The following IL31RA variants were observed in gnomAD, a reference collection of about 807,000 sequenced individuals.
The protein encoded by IL31RA is interleukin 31 receptor A, also known as interleukin-31 receptor subunit alpha.
IL31RA carries 66 observed loss-of-function variants against 83.7 expected under a neutral mutation model. The ratio of observed to expected loss-of-function variants is 0.79; its 90% CI spans 0.65 to 0.97. The LOEUF (loss-of-function observed/expected upper bound fraction) is 0.97. Among genes scored for constraint, IL31RA ranks in the 50% least tolerant of loss-of-function variants. The pLI, the probability that IL31RA is intolerant of heterozygous loss-of-function variation, is 0.00. For missense variants in IL31RA, 798 were observed against 919.4 expected, an observed-to-expected ratio of 0.87 and a Z score of 1.71; for synonymous variants, 325 against 329.0, an observed-to-expected ratio of 0.99 and a Z score of 0.13.
chr5:55,866,994 A>G (rs1746090439), intron 2 of IL31RA, among the ~76,000 whole-genome samples: 1 of 151,970 alleles, frequency 6.6e-6, no homozygotes, highest in Non-Finnish European at 1.5e-5. Context: ...TGATCTTTCC[A>G]GAGGCTCAAC....
intron 2 of IL31RA, 66 bp from the exon 3 acceptor site, chr5:55,868,725 T>C: frequency 1.1e-6 from 1 of 951,642 alleles, no homozygotes; most frequent in Admixed American, 1.7e-5. Context: ...AAATGTTCAA[T>C]GCTGGCAATA....
chr5:55,865,417 C>T (rs1330235195), intron 2 of IL31RA, among the ~76,000 whole-genome samples: 1 of 152,084 alleles, frequency 6.6e-6, no homozygotes, highest in Non-Finnish European at 1.5e-5. Context: ...ATCTAGCTCT[C>T]CCTCACCCTC....
upstream of IL31RA, among the ~76,000 whole-genome samples, chr5:55,849,892 A>G (rs145865915): frequency 1.1e-4 from 16 of 152,326 alleles, no homozygotes; most frequent in East Asian, 3.1e-3. Context: ...AACATCTCGA[A>G]AATGGTCACA....
intron 1 of IL31RA, among the ~76,000 whole-genome samples, chr5:55,858,720 A>C (rs1380927978): frequency 6.6e-6 from 1 of 152,016 alleles, no homozygotes; most frequent in East Asian, 1.9e-4. Flanking sequence ...CTTTATTCTT[A>C]GACTATCCCA....
Position 55,903,626 on chromosome 5 carries a change from G to A in IL31RA, c.1070-2480G>A, listed in dbSNP as rs542547226. Among the ~76,000 whole-genome samples the A allele has an allele frequency of 1.3e-5, 2 of 152,302 alleles. No homozygotes were observed. Among genetic ancestry groups the A allele is most frequent in the Admixed American group, 6.5e-5 (1 of 15,296 alleles). ...GCAGTGCACTTGGCGCTTTAGACCC[G>A]GATCTCCCTGCTCCTCAGAGCTCCA... On this transcript the variant is annotated intron_variant, in intron 8 of 14. Coordinates refer to ENST00000652347, the MANE Select transcript of IL31RA (RefSeq NM_139017.7). This position sits in a 1 kb window ranked among gnomAD's most constrained non-coding sequence, Gnocchi z 4.7.
intron 11 of IL31RA, chr5:55,908,745 G>A (rs1749322408): frequency 1.4e-6 from 2 of 1,441,866 alleles, no homozygotes; most frequent in Admixed American, 2.8e-5. Context: ...TAAAGAGTGA[G>A]GAGGAACAGA....
chr5:55,902,948 G>A (rs373356687), intron 8 of IL31RA, among the ~76,000 whole-genome samples: 5 of 152,182 alleles, frequency 3.3e-5, no homozygotes, highest in African/African-American at 1.2e-4. Flanking sequence ...TTCCAGCTCG[G>A]ATCTGCAGGA....
At chr5:55,910,446 T>C (rs1749431236) in intron 11 of IL31RA, 86 bp from the exon 12 acceptor site, 3 of 1,466,468 alleles carry the variant, frequency 2.0e-6, no homozygotes, top group Non-Finnish European at 2.9e-6. Flanking sequence ...GAAGCACAGG[T>C]TCCAATGCTC....
At chr5:55,855,199 C>T (rs2112275738) in intron 1 of IL31RA, among the ~76,000 whole-genome samples, 1 of 152,090 alleles carries the variant, frequency 6.6e-6, no homozygotes, top group East Asian at 1.9e-4. Flanking sequence ...GGCTGGAGTG[C>T]AGTGGTGTGA....
rs377423005 is a variant in IL31RA at position 55,868,849 on chromosome 5, C to G, written c.213C>G (p.Thr71=). 3.1e-6 allele frequency: 5 copies of G among 1,611,138 alleles called. No individual in the cohort carries two copies. Among genetic ancestry groups the G allele is most frequent in the Non-Finnish European group, 4.2e-6 (5 of 1,177,472 alleles). The part of the protein sequence containing the change: ...SCVYYYRKNL[T]CTWSPGKETS... ...TCTACTACTATAGGAAAAATTTAAC[C>G]TGCACTTGGAGTCCAGGAAAGGAAA... Residue 71 remains threonine, a synonymous_variant, in exon 3 of 15, where the codon ACC becomes ACG. Transcript: ENST00000652347.
intron 1 of IL31RA, among the ~76,000 whole-genome samples, chr5:55,854,694 G>C (rs1316459688): frequency 6.7e-6 from 1 of 149,658 alleles, no homozygotes; most frequent in Admixed American, 6.7e-5. Context: ...GCAGTGAACC[G>C]AGACTGCACC....
At chr5:55,887,334 C>G (rs546533435) in intron 5 of IL31RA, among the ~76,000 whole-genome samples, 2 of 152,224 alleles carry the variant, frequency 1.3e-5, no homozygotes, top group Non-Finnish European at 2.9e-5. Context: ...TCCATGTGAC[C>G]TTACCTCAAC....
In IL31RA at chr5:55,908,254, G is replaced by A. The variant is rs1196115622; in HGVS notation, c.1355-11G>A. Reference sequence around the variant, plus strand: ...TTCAGTGATTATCATTTATCCCTCTGTCCTTTCCAGTTCCATCAGAAGGTC... The same window carrying A: ...TTCAGTGATTATCATTTATCCCTCTATCCTTTCCAGTTCCATCAGAAGGTC... On this transcript the variant is annotated splice_polypyrimidine_tract_variant and intron_variant, in intron 10 of 14. Transcript: ENST00000652347. 3.1e-6 allele frequency: 5 copies of A among 1,614,012 alleles called. No individual in the cohort carries two copies. Among genetic ancestry groups the A allele is most frequent in the Non-Finnish European group, 3.4e-6 (4 of 1,180,044 alleles).
intron 14 of IL31RA, among the ~76,000 whole-genome samples, 199 bp from the exon 15 acceptor site, chr5:55,916,445 T>C (rs1749785369): frequency 6.6e-6 from 1 of 152,062 alleles, no homozygotes; most frequent in South Asian, 2.1e-4. Flanking sequence ...TCCAGGGCAC[T>C]GTTTCTCAGG....
At chr5:55,911,937 G>GT (rs920652957) in intron 12 of IL31RA, among the ~76,000 whole-genome samples, 9 of 152,030 alleles carry the variant, frequency 5.9e-5, no homozygotes, top group African/African-American at 9.6e-5. Context: ...AGTATGACAT[G>GT]TTTTTTTTAC....
At chr5:55,840,829 A>C in the IL31RA span, among the ~76,000 whole-genome samples, 1 of 152,018 alleles carries the variant, frequency 6.6e-6, no homozygotes, top group African/African-American at 2.4e-5. Flanking sequence ...TGTTTTTCTT[A>C]TGCCTGTATT....
intron 1 of IL31RA, among the ~76,000 whole-genome samples, chr5:55,852,706 C>T (rs914311162): frequency 1.2e-4 from 18 of 152,164 alleles, no homozygotes; most frequent in East Asian, 1.9e-4. Flanking sequence ...CCATTACAAA[C>T]GGTTGCAAAA....
chr5:55,890,026 G>A lies in IL31RA; in HGVS notation c.663G>A (p.Thr221=), dbSNP rs745893789. The change falls in exon 6 of 15, where the codon ACG becomes ACA. Residue 221 remains threonine (T), a synonymous_variant. Coordinates refer to ENST00000652347, the MANE Select transcript of IL31RA (RefSeq NM_139017.7). ...ATAAAAACCAAACGTACAACCTCACGGGGCTGCAGCCTTTTACAGAATATG... is the reference window on the plus strand; with the variant it reads ...ATAAAAACCAAACGTACAACCTCACAGGGCTGCAGCCTTTTACAGAATATG... ...RKDKNQTYNL[T]GLQPFTEYVI... 17 of 1,613,896 alleles carry A rather than the reference G, an allele frequency of 1.1e-5. No individual in the cohort carries two copies. The highest frequency in any genetic ancestry group is 3.3e-5 in the Admixed American group (2 of 60,002).
intron 3 of IL31RA, 114 bp from the exon 4 acceptor site, chr5:55,872,156 A>G: frequency 6.5e-6 from 5 of 772,056 alleles, no homozygotes; most frequent in Non-Finnish European, 6.6e-6. Context: ...TGGACTATAC[A>G]GTTCTCAAGA....
Sources: allele counts gnomAD v4.1 joint callset (sites outside exome capture counted in the v4.1 genomes callset), GRCh38; gene constraint gnomAD v4.1.1; non-coding constraint Gnocchi (gnomAD v3.1); transcripts MANE v1.5; gene names NCBI Gene and HGNC (gene_info 2026-07-23, HGNC 2026-07-21).